ODF2: variants seen among roughly 807,000 people sequenced by gnomAD.
ODF2 encodes outer dense fiber protein 2.
ODF2 carries 47 observed loss-of-function variants against 110.2 expected under a neutral mutation model. That is an observed-to-expected ratio of 0.43 (90% CI 0.34 to 0.54). The LOEUF is 0.54. Ranked by LOEUF, ODF2 falls within the 20% of genes least tolerant of loss-of-function variation. The pLI, the probability that ODF2 is intolerant of heterozygous loss-of-function variation, is 0.03. For missense variants in ODF2, 812 were observed against 1,054.5 expected, an observed-to-expected ratio of 0.77 and a Z score of 3.19; for synonymous variants, 352 against 397.7, an observed-to-expected ratio of 0.89 and a Z score of 1.37.
intron 3 of ODF2, 100 bp downstream of exon 3, chr9:128,460,766 A>G: frequency 1.3e-6 from 2 of 1,543,348 alleles, no homozygotes; most frequent in Non-Finnish European, 1.8e-6. Context: ...TGGGAGACAA[A>G]CACACTCTTT....
chr9:128,495,998 G>A lies in ODF2; in HGVS notation c.1912-43G>A, dbSNP rs763660447. 20 of 1,610,206 alleles carry A rather than the reference G, an allele frequency of 1.2e-5. No individual in the cohort carries two copies. In the Admixed American group the frequency reaches 1.3e-4, roughly 11 times the overall value. Reference sequence around the variant, plus strand: ...CATAGGGAAAGGGGAGGGCTCTAGCGGGAAATTCCTTTGTAAACCAGTCTG... The same window carrying A: ...CATAGGGAAAGGGGAGGGCTCTAGCAGGAAATTCCTTTGTAAACCAGTCTG... On this transcript the variant is annotated intron_variant, in intron 17 of 20. Coordinates refer to ENST00000604420, the Ensembl canonical transcript of ODF2.
At chr9:128,465,580 A>C (rs1431014586) in intron 4 of ODF2, among the ~76,000 whole-genome samples, 1 of 151,914 alleles carries the variant, frequency 6.6e-6, no homozygotes, top group Non-Finnish European at 1.5e-5. Context: ...ATCTCAACTA[A>C]AAATACAAAA....
chr9:128,487,000 C>T (rs892822015), intron 13 of ODF2, among the ~76,000 whole-genome samples: 1 of 152,142 alleles, frequency 6.6e-6, no homozygotes, highest in East Asian at 1.9e-4. Context: ...GGGAAGGGAT[C>T]ATGTCTCTGG....
At chr9:128,474,516 C>A (rs774305873) in intron 8 of ODF2, among the ~76,000 whole-genome samples, 12 of 151,072 alleles carry the variant, frequency 7.9e-5, no homozygotes, top group Non-Finnish European at 1.6e-4. Context: ...AATTAGTCAG[C>A]CAGGTGTGGT....
At chr9:128,459,606 G>A (rs562607147) in exon 3 of ODF2, 15 of 1,613,852 alleles carry the variant, frequency 9.3e-6, no homozygotes, top group East Asian at 8.9e-5. Flanking sequence ...CGAGTCTCAC[G>A]CAGAAAAAGG....
intron 5 of ODF2, among the ~76,000 whole-genome samples, chr9:128,470,006 A>ATATATAT (rs1839375592): frequency 2.8e-5 from 1 of 36,094 alleles, no homozygotes; most frequent in African/African-American, 1.0e-4. Context: ...AAAAAAAAAA[A>ATATATAT]AAAAAAAAAA....
intron 1 of ODF2, chr9:128,456,673 C>A: frequency 7.0e-7 from 1 of 1,437,460 alleles, no homozygotes; most frequent in Non-Finnish European, 9.1e-7. Context: ...CTCCTCGGGC[C>A]TCCACATGGC....
intron 4 of ODF2, chr9:128,468,868 C>T (rs764852018): frequency 1.4e-5 from 4 of 278,146 alleles, no homozygotes; most frequent in Non-Finnish European, 2.0e-5. Flanking sequence ...CGCTATGTTG[C>T]TGAGGCTGGT....
At chr9:128,491,521 G>C (rs535749106) in intron 14 of ODF2, among the ~76,000 whole-genome samples, 5 of 151,764 alleles carry the variant, frequency 3.3e-5, no homozygotes, top group African/African-American at 7.2e-5. Context: ...TAGCCGGAGT[G>C]GGGGTGGTGG....
intron 20 of ODF2, 137 bp downstream of exon 20, chr9:128,499,263 C>A (rs1318257813): frequency 9.7e-7 from 1 of 1,030,136 alleles, no homozygotes; most frequent in Non-Finnish European, 1.4e-6. Context: ...CACTTTCTAT[C>A]CCTTAAGGAT....
At chr9:128,483,869 G>C in intron 10 of ODF2, 69 bp from the exon 11 acceptor site, 1 of 1,100,718 alleles carries the variant, frequency 9.1e-7, no homozygotes, top group South Asian at 1.2e-5. Flanking sequence ...CTGGGAAACG[G>C]AGCAAGACTC....
chr9:128,473,562 T>G (rs370857274), intron 7 of ODF2, 48 bp from the exon 8 acceptor site: 25 of 1,607,572 alleles, frequency 1.6e-5, no homozygotes, highest in African/African-American at 1.2e-4. Context: ...GGGGCCTGCT[T>G]CTTCCCTTCT....
At position 128,473,422 on chromosome 9, in the gene ODF2, C is replaced by G. The variant is rs771996540; in HGVS notation, c.712-188C>G. On this transcript the variant is annotated intron_variant, in intron 7 of 20. Transcript: ENST00000604420. ...CCCCTTTCTCCACCTTTGCTCGGAG[C>G]AGACTTAGCTCCTGCTTGTCCCTTT... 377 of 665,312 alleles carry G rather than the reference C, an allele frequency of 5.7e-4. 1 individual carries two copies. Among genetic ancestry groups the G allele is most frequent in the Non-Finnish European group, 6.6e-4 (356 of 537,944 alleles). The allele number at this position is 665,312 out of a possible 1,614,324, so 41.2% of individuals were successfully genotyped here. A position where few individuals can be genotyped will look rare whatever the true frequency, so the allele number is the denominator to read the frequency against.
chr9:128,479,999 G>T lies in ODF2; in HGVS notation c.844-1581G>T, dbSNP rs143337212. On this transcript the variant is annotated intron_variant, in intron 8 of 20. Transcript: ENST00000604420. ...TAGCCAGGTGTGGTGGCACACACCT[G>T]TGGTCCCAGCTACTGAGGAGGCTGA... Among the ~76,000 whole-genome samples, 748 of 152,278 alleles carry T rather than the reference G, an allele frequency of 4.9e-3. 12 individuals carry two copies. The highest frequency in any genetic ancestry group is 0.017 in the African/African-American group (720 of 41,572).
intron 9 of ODF2, among the ~76,000 whole-genome samples, chr9:128,482,510 T>C (rs1305633208): frequency 6.6e-6 from 1 of 152,156 alleles, no homozygotes; most frequent in Non-Finnish European, 1.5e-5. Flanking sequence ...TGAGTTTCAA[T>C]GTGCATTAAC....
chr9:128,467,563 G>A (rs887224647), intron 4 of ODF2, among the ~76,000 whole-genome samples: 1 of 151,814 alleles, frequency 6.6e-6, no homozygotes, highest in African/African-American at 2.4e-5. Flanking sequence ...TGGCCAACAT[G>A]GTGAAACCCC....
intron 16 of ODF2, 24 bp downstream of exon 16, chr9:128,492,829 C>T: frequency 6.3e-7 from 1 of 1,576,860 alleles, no homozygotes; most frequent in Non-Finnish European, 8.7e-7. Flanking sequence ...TCCTTGTTTT[C>T]TTCTCCTACC....
chr9:128,473,187 C>A, intron 7 of ODF2, 145 bp downstream of exon 7: 1 of 1,461,216 alleles, frequency 6.8e-7, no homozygotes, highest in Non-Finnish European at 9.1e-7. Flanking sequence ...GGCCCCCACC[C>A]ACCACTCTCA....
At chr9:128,456,563 C>G in intron 1 of ODF2, 2 of 1,527,346 alleles carry the variant, frequency 1.3e-6, no homozygotes, top group Non-Finnish European at 1.7e-6. Flanking sequence ...AAACCGGTAC[C>G]CTCCTGCCTG....
Sources: allele counts gnomAD v4.1 joint callset (sites outside exome capture counted in the v4.1 genomes callset), GRCh38; gene constraint gnomAD v4.1.1; transcripts MANE v1.5; gene names NCBI Gene and HGNC (gene_info 2026-07-23, HGNC 2026-07-21).